BCL2L12: variants seen among roughly 807,000 people sequenced by gnomAD.
The protein encoded by BCL2L12 is BCL2 like 12.
Under a neutral mutation model 25.7 loss-of-function variants are expected in BCL2L12, and 27 were observed. That is an observed-to-expected ratio of 1.05 (90% CI 0.78 to 1.45). The LOEUF (loss-of-function observed/expected upper bound fraction) is 1.45. Among genes scored for constraint, BCL2L12 ranks in the 40% most tolerant of loss-of-function variants. BCL2L12 has a pLI of 0.00. For missense variants in BCL2L12, 302 were observed against 329.8 expected (o/e 0.92, Z 0.65); for synonymous variants, 132 against 145.6 (o/e 0.91, Z 0.67).
At chr19:49,667,982 G>A (rs1041266565) in intron 3 of BCL2L12, among the ~76,000 whole-genome samples, 28 of 151,910 alleles carry the variant, frequency 1.8e-4, no homozygotes, top group Admixed American at 1.7e-3. Context: ...GTTTCGCCAC[G>A]TTGGCCAGGC....
intron 6 of BCL2L12, among the ~76,000 whole-genome samples, chr19:49,670,900 C>T (rs2081948690): frequency 6.6e-6 from 1 of 152,174 alleles, no homozygotes; most frequent in Non-Finnish European, 1.5e-5. Context: ...TGGCTCACAC[C>T]TGTAATCCCA....
At chr19:49,668,594 A>T (rs2081878145) in intron 3 of BCL2L12, among the ~76,000 whole-genome samples, 1 of 152,044 alleles carries the variant, frequency 6.6e-6, no homozygotes, top group African/African-American at 2.4e-5. Flanking sequence ...GCCTGAGGTC[A>T]GCCTGGGCAA....
intron 5 of BCL2L12, among the ~76,000 whole-genome samples, chr19:49,669,799 A>C (rs558024418): frequency 6.6e-6 from 1 of 152,138 alleles, no homozygotes; most frequent in South Asian, 2.1e-4. Context: ...CTACCAGAGG[A>C]GGTGTGGCTT....
chr19:49,665,968 G>A lies in BCL2L12; in HGVS notation c.-108G>A. 1 of 1,613,088 alleles carries A rather than the reference G, an allele frequency of 6.2e-7. No individual in the cohort carries two copies. On this transcript the variant is annotated 5_prime_UTR_variant, in exon 1 of 7. In the 5' UTR this introduces an upstream ATG that the reference lacks. Coordinates refer to ENST00000246784, the MANE Select transcript of BCL2L12 (RefSeq NM_138639.2). ...CTGGGCCGGTTATCGACCCGGCCCA[G>A]TGCGCAGGCGCGGGAAAGTTGAACT...
In BCL2L12 at chr19:49,670,091, A is replaced by T. The variant is rs964375794; in HGVS notation, c.430-125A>T. The T allele has an allele frequency of 4.5e-5, 58 of 1,291,758 alleles. 2 individuals carry two copies. The South Asian group carries it at 7.8e-4, about 17-fold the overall frequency. 80.0% of individuals were successfully genotyped at this position (1,291,758 alleles called of 1,614,324 possible). A position where few individuals can be genotyped will look rare whatever the true frequency, so the allele number is the denominator to read the frequency against. On this transcript the variant is annotated intron_variant, in intron 5 of 6. Transcript: ENST00000246784. Reference sequence around the variant, plus strand: ...AGTCTGGCTTGATTGGCTAATATGGATGAGGGGTGGCCTAGAACCTTAGCA... The same window carrying T: ...AGTCTGGCTTGATTGGCTAATATGGTTGAGGGGTGGCCTAGAACCTTAGCA...
At chr19:49,666,950 G>A in intron 2 of BCL2L12, 69 bp from the exon 3 acceptor site, 16 of 1,571,774 alleles carry the variant, frequency 1.0e-5, no homozygotes, top group Non-Finnish European at 1.3e-5. Context: ...GGGGAGGGAG[G>A]GAGTTGGGGA....
At chr19:49,671,762 A>G (rs959474418) in intron 6 of BCL2L12, among the ~76,000 whole-genome samples, 5 of 152,124 alleles carry the variant, frequency 3.3e-5, no homozygotes, top group African/African-American at 1.2e-4. Context: ...GTGAGGTTAT[A>G]TGGCTACCTG....
intron 6 of BCL2L12, among the ~76,000 whole-genome samples, chr19:49,673,254 G>T (rs1336631439): frequency 1.3e-5 from 2 of 151,874 alleles, no homozygotes; most frequent in East Asian, 1.9e-4. Flanking sequence ...TCAATGGAAT[G>T]ATCCCATTTA....
intron 6 of BCL2L12, 118 bp from the exon 7 acceptor site, chr19:49,673,580 C>T (rs1045898955): frequency 1.2e-6 from 1 of 845,300 alleles, no homozygotes; most frequent in Non-Finnish European, 2.0e-6. Context: ...GTGTCTGTCA[C>T]CCTCCGCTCT....
intron 3 of BCL2L12, among the ~76,000 whole-genome samples, chr19:49,668,287 TG>T (rs2081869273): frequency 6.6e-6 from 1 of 151,562 alleles, no homozygotes; most frequent in Non-Finnish European, 1.5e-5. Context: ...TTAGTAGAGA[TG>T]GGGTTTCTCC....
At chr19:49,665,746 C>T (rs2081701278), upstream of BCL2L12, 1 of 1,520,164 alleles carries the variant, frequency 6.6e-7, no homozygotes, top group Non-Finnish European at 8.9e-7. Context: ...AGCTCTAGAG[C>T]GCTGGGGCTT....
intron 5 of BCL2L12, 41 bp from the exon 6 acceptor site, chr19:49,670,175 G>GGGGCGCTGCTGACGC: frequency 6.3e-7 from 1 of 1,584,838 alleles, no homozygotes; most frequent in Non-Finnish European, 8.5e-7. Flanking sequence ...GCTGGCCCCG[G>GGGGCGCTGCTGACGC]GGGCGCTGCT....
intron 3 of BCL2L12, among the ~76,000 whole-genome samples, chr19:49,667,384 CT>C (rs2081833186): frequency 6.6e-6 from 1 of 152,184 alleles, no homozygotes; most frequent in South Asian, 2.1e-4. Context: ...CCTTCCATAA[CT>C]ACTTCCCTGC....
chr19:49,670,282 G>C lies in BCL2L12; in HGVS notation c.496G>C (p.Val166Leu). Residue 166 changes from valine to leucine, a missense_variant, in exon 6 of 7, where the codon GTG (valine) becomes CTG (leucine). Physicochemically the swap from Val to Leu is conservative, Grantham distance 32. Transcript: ENST00000246784. ...RLSSDSFARLVELFCSRDDSS... is the reference protein window; with the variant it reads ...RLSSDSFARLLELFCSRDDSS... ...GTCCTCCGACTCTTTCGCCCGCCTGGTGGAGCTGTTCTGTAGCCGGGATGA... is the reference window on the plus strand; with the variant it reads ...GTCCTCCGACTCTTTCGCCCGCCTGCTGGAGCTGTTCTGTAGCCGGGATGA... 6.2e-7 allele frequency: 1 copy of C among 1,611,314 alleles called. No individual in the cohort carries two copies.
At chr19:49,665,673 CCT>C (rs1245121989), upstream of BCL2L12, 14 of 1,083,742 alleles carry the variant, frequency 1.3e-5, no homozygotes, top group Admixed American at 7.8e-5. Flanking sequence ...GGAACCCACC[CCT>C]GTCTTGGAGC....
rs182086472 is a variant in BCL2L12, at chr19:49,672,705, C to T, written c.703-993C>T. On this transcript the variant is annotated intron_variant, in intron 6 of 6. Transcript: ENST00000246784. This position sits in a 1 kb window ranked among gnomAD's most constrained non-coding sequence, Gnocchi z 4.1. ...GATGCTGGCCCGAGCAGCTGCAGGG[C>T]GACATCTTAAGTTCCCCGAGATGGG... 6.7e-6 allele frequency among the ~76,000 whole-genome samples: 1 copy of T among 148,716 alleles called. No homozygotes were observed. Among genetic ancestry groups the T allele is most frequent in the Admixed American group, 6.7e-5 (1 of 14,896 alleles).
At position 49,666,730 on chromosome 19, in the gene BCL2L12, C is replaced by T. The variant is rs1487367571; in HGVS notation, c.38C>T (p.Thr13Met). 3 of 1,557,504 alleles carry T rather than the reference C, an allele frequency of 1.9e-6. No individual in the cohort carries two copies. Among genetic ancestry groups the T allele is most frequent in the East Asian group, 2.4e-5 (1 of 41,512 alleles). ...GAAGAGCTGGGGCTCCGGGAAGACA[C>T]GCTGAGGGTCCTAGCTGCCTTCCTT... The part of the protein sequence containing the change: ...GSEELGLRED[T>M]LRVLAAFLRR... Residue 13 changes from threonine to methionine, a missense_variant, in exon 2 of 7, where the codon ACG becomes ATG. Transcript: ENST00000246784.
At chr19:49,665,467 G>C (rs1417615357), upstream of BCL2L12, 1 of 213,452 alleles carries the variant, frequency 4.7e-6, no homozygotes, top group African/African-American at 2.3e-5. Flanking sequence ...ACTTTTTCTA[G>C]TTTTTCTGCA....
chr19:49,666,860 C>A, intron 2 of BCL2L12, 61 bp downstream of exon 2: 1 of 1,521,800 alleles, frequency 6.6e-7, no homozygotes, highest in Non-Finnish European at 8.9e-7. Context: ...CTAACTCTTG[C>A]TCCTGGTCTC....
Sources: allele counts gnomAD v4.1 joint callset (sites outside exome capture counted in the v4.1 genomes callset), GRCh38; gene constraint gnomAD v4.1.1; non-coding constraint Gnocchi (gnomAD v3.1); transcripts MANE v1.5; gene names NCBI Gene and HGNC (gene_info 2026-07-23, HGNC 2026-07-21).